The following ANAPC5 variants were observed in gnomAD, a reference collection of about 807,000 sequenced individuals.
The protein encoded by ANAPC5 is anaphase promoting complex subunit 5.
In ANAPC5, 60 loss-of-function variants were observed where a neutral mutation model predicts 91.3. The ratio of observed to expected loss-of-function variants is 0.66; its 90% confidence interval spans 0.53 to 0.81. ANAPC5 has a LOEUF of 0.81. ANAPC5 is among the 40% of genes least tolerant of loss of function. The pLI is 0.00. For synonymous variants in ANAPC5, 340 were observed against 364.1 expected, an observed-to-expected ratio of 0.93 and a Z score of 0.75; for missense variants, 690 against 931.5, an observed-to-expected ratio of 0.74 and a Z score of 3.37.
At position 121,342,116 on chromosome 12, in the gene ANAPC5, A is replaced by G. The variant is rs2136809841; in HGVS notation, c.591-47T>C. On this transcript the variant is annotated intron_variant, in intron 4 of 16. Coordinates refer to ENST00000261819, the MANE Select transcript of ANAPC5 (RefSeq NM_016237.5). This position sits in a 1 kb window ranked among gnomAD's most constrained non-coding sequence, Gnocchi z 4.1. ...AAATAGTAAAGAATTACACAAAAGT[A>G]AAAATGATAACATTTATAAAATCAG... The G allele has an allele frequency of 7.4e-7, 1 of 1,344,840 alleles. No individual in the cohort carries two copies. The highest frequency in any genetic ancestry group is 1.0e-6 in the Non-Finnish European group (1 of 966,812). The allele number at this position is 1,344,840 out of a possible 1,614,324, so 83.3% of individuals were successfully genotyped here.
At position 121,346,046 on chromosome 12, in the gene ANAPC5, G is replaced by C. The variant is rs782064940; in HGVS notation, c.398-15C>G. On this transcript the variant is annotated splice_polypyrimidine_tract_variant and intron_variant, in intron 3 of 16. Coordinates refer to ENST00000261819, the MANE Select transcript of ANAPC5 (RefSeq NM_016237.5). ...CAGAAACAAACCTACAAAATAAGAC[G>C]AGAGACAAGGGGAAAGCATTAACTG... The C allele has an allele frequency of 2.0e-5, 31 of 1,589,068 alleles. No individual in the cohort carries two copies. Among genetic ancestry groups the C allele is most frequent in the Non-Finnish European group, 2.7e-5 (31 of 1,168,470 alleles).
intron 4 of ANAPC5, among the ~76,000 whole-genome samples, chr12:121,343,043 A>G (rs1282383193): frequency 1.3e-5 from 2 of 152,222 alleles, no homozygotes; most frequent in Non-Finnish European, 2.9e-5. Context: ...TTCACGATGA[A>G]ATTCAGTTTA....
At chr12:121,327,490 C>A (rs1327289050) in intron 10 of ANAPC5, 1 of 483,190 alleles carries the variant, frequency 2.1e-6, no homozygotes, top group Non-Finnish European at 3.7e-6. Context: ...ATCCCCCCGC[C>A]CCCACCCCAT....
At chr12:121,346,108 A>G (rs1903658260) in intron 3 of ANAPC5, 77 bp from the exon 4 acceptor site, 4 of 1,159,034 alleles carry the variant, frequency 3.5e-6, no homozygotes, top group Non-Finnish European at 4.9e-6. Flanking sequence ...CACAATGGCA[A>G]TGACTGTCTG....
At chr12:121,335,744 T>A in intron 6 of ANAPC5, 21 bp from the exon 7 acceptor site, 1 of 1,594,206 alleles carries the variant, frequency 6.3e-7, no homozygotes, top group Non-Finnish European at 8.6e-7. Flanking sequence ...AAATAATCAA[T>A]GTATTTTAAA....
chr12:121,337,468 C>G, intron 5 of ANAPC5, 76 bp from the exon 6 acceptor site: 1 of 1,136,194 alleles, frequency 8.8e-7, no homozygotes, highest in South Asian at 1.3e-5. Flanking sequence ...ACTAGCATCA[C>G]CTGATTATTT....
rs782388495 is a variant in ANAPC5 at position 121,352,354 on chromosome 12, T to TA, written c.-15dup. The TA allele has an allele frequency of 1.0e-5, 16 of 1,586,014 alleles. No individual in the cohort carries two copies. Among genetic ancestry groups the TA allele is most frequent in the Middle Eastern group, 1.7e-4 (1 of 5,946 alleles). The stretch of plus-strand genomic sequence containing the variant: ...GACGCTGGCCATGGCGGCCCGAGAC[T>TA]AAGTCTCGGGCCCGCGGCGCGCTGC... On this transcript the variant is annotated 5_prime_UTR_variant, in exon 1 of 17. Transcript: ENST00000261819.
intron 5 of ANAPC5, among the ~76,000 whole-genome samples, chr12:121,339,876 T>G (rs1267657055): frequency 1.5e-5 from 2 of 135,772 alleles, no homozygotes; most frequent in African/African-American, 3.1e-5. Context: ...CAGTTTTTTT[T>G]TTTTTTTTTT....
upstream of ANAPC5, among the ~76,000 whole-genome samples, chr12:121,353,435 C>G (rs1555275720): frequency 6.6e-6 from 1 of 150,826 alleles, no homozygotes; most frequent in Non-Finnish European, 1.5e-5. Context: ...TGCCTTGTGC[C>G]TTTTGTTTTG....
intron 16 of ANAPC5, among the ~76,000 whole-genome samples, chr12:121,309,218 A>C (rs1377927672): frequency 2.0e-5 from 3 of 149,104 alleles, no homozygotes; most frequent in African/African-American, 7.4e-5. Flanking sequence ...TGGGAGGCTG[A>C]GGTGGGCAGA....
At chr12:121,327,432 G>A (rs368729676) in intron 10 of ANAPC5, 5 of 596,596 alleles carry the variant, frequency 8.4e-6, no homozygotes, top group Admixed American at 3.3e-5. Context: ...TGTGCAGCGC[G>A]AGGAGACACG....
intron 10 of ANAPC5, chr12:121,327,984 T>G (rs1209763441): frequency 9.5e-6 from 2 of 210,808 alleles, no homozygotes; most frequent in Non-Finnish European, 1.9e-5. Flanking sequence ...TCAGATGACG[T>G]GGGTTTGAGT....
At chr12:121,309,671 T>C in intron 16 of ANAPC5, 30 bp downstream of exon 16, 1 of 1,580,510 alleles carries the variant, frequency 6.3e-7, no homozygotes, top group Non-Finnish European at 8.6e-7. Context: ...TGGAATAGCA[T>C]TGCCTAACAG....
At chr12:121,346,518 C>T (rs151231719) in intron 3 of ANAPC5, 72 of 182,586 alleles carry the variant, frequency 3.9e-4, no homozygotes, top group African/African-American at 1.4e-3. Flanking sequence ...AGAAACACCA[C>T]GTATGCCCTC....
At chr12:121,333,356 T>C (rs1903114438) in intron 7 of ANAPC5, 1 of 152,142 alleles carries the variant, frequency 6.6e-6, no homozygotes, top group African/African-American at 2.4e-5. Flanking sequence ...TAAAGATTAT[T>C]TGTATCCAGA....
chr12:121,346,391 C>T, intron 3 of ANAPC5: 1 of 194,152 alleles, frequency 5.2e-6, no homozygotes, highest in Non-Finnish European at 1.0e-5. Context: ...CTTACACGTC[C>T]AGAGCCTGGC....
chr12:121,311,638 G>C (rs1902170158), intron 15 of ANAPC5, among the ~76,000 whole-genome samples: 1 of 152,096 alleles, frequency 6.6e-6, no homozygotes, highest in South Asian at 2.1e-4. Flanking sequence ...TTTGAGACCA[G>C]CCTGGGTAAC....
At chr12:121,315,616 T>C (rs1902325505) in intron 15 of ANAPC5, among the ~76,000 whole-genome samples, 1 of 152,106 alleles carries the variant, frequency 6.6e-6, no homozygotes, top group Non-Finnish European at 1.5e-5. Flanking sequence ...AGTCCGAAAA[T>C]AAACCTATAT....
chr12:121,348,999 T>G (rs78375200), intron 1 of ANAPC5, among the ~76,000 whole-genome samples: 8,422 of 152,280 alleles, frequency 0.055, 314 homozygotes, highest in African/African-American at 0.094. Context: ...GCGCAGTGGC[T>G]CACGCCTGTA....
Sources: allele counts gnomAD v4.1 joint callset (sites outside exome capture counted in the v4.1 genomes callset), GRCh38; gene constraint gnomAD v4.1.1; non-coding constraint Gnocchi (gnomAD v3.1); transcripts MANE v1.5; gene names NCBI Gene and HGNC (gene_info 2026-07-23, HGNC 2026-07-21).